Variants in KLF1 observed in about 807,000 individuals in gnomAD.
KLF1 encodes KLF transcription factor 1.
Under a neutral mutation model 28.0 loss-of-function variants are expected in KLF1, and 29 were observed. The observed-to-expected ratio is 1.04, with a 90% CI of 0.77 to 1.41. The LOEUF (loss-of-function observed/expected upper bound fraction) is 1.41. KLF1 is among the 40% of genes most tolerant of loss of function. KLF1 has a pLI of 0.00. For synonymous variants in KLF1, 262 were observed against 242.6 expected (o/e 1.08, Z -0.74); for missense variants, 508 against 515.1 (o/e 0.99, Z 0.13).
Position 12,885,666 on chromosome 19 carries a change from T to A in KLF1, c.564A>T (p.Ser188=). The stretch of plus-strand genomic sequence containing the variant: ...AGGGGGCGCCCGACGCCGCAGGCAC[T>A]GAAAGCCCGGTCCGCGGGAAGTAGC... ...SGGYFPRTGL[S]VPAASGAPYG... Residue 188 remains serine, a synonymous_variant, in exon 2 of 3, where the codon TCA becomes TCT. Coordinates refer to ENST00000264834, the MANE Select transcript of KLF1 (RefSeq NM_006563.5). The surrounding 1 kb of genome is among the most constrained non-coding windows in gnomAD (Gnocchi z 5.6). 1 of 1,539,002 alleles carries A rather than the reference T, an allele frequency of 6.5e-7. No homozygotes were observed. Among genetic ancestry groups the A allele is most frequent in the Non-Finnish European group, 8.8e-7 (1 of 1,141,080 alleles).
chr19:12,885,703 C>A lies in KLF1; in HGVS notation c.527G>T (p.Gly176Val). Residue 176 changes from glycine (G) to valine (V), a missense_variant, in exon 2 of 3, where the codon GGC becomes GTC. Gly to Val is a moderately radical substitution (Grantham distance 109). Coordinates refer to ENST00000264834, the MANE Select transcript of KLF1 (RefSeq NM_006563.5). This position sits in a 1 kb window ranked among gnomAD's most constrained non-coding sequence, Gnocchi z 5.6. Reference protein sequence around the residue: ...LQPVYPGPGAGSSGGYFPRTG... With the variant: ...LQPVYPGPGAVSSGGYFPRTG... ...CCGCGGGAAGTAGCCACCCGAGGAG[C>A]CGGCGCCGGGCCCCGGGTACACCGG... is the stretch of plus-strand genomic sequence containing the variant. 1 of 1,526,530 alleles carries A rather than the reference C, an allele frequency of 6.6e-7. No individual in the cohort carries two copies. Among genetic ancestry groups the A allele is most frequent in the Non-Finnish European group, 8.8e-7 (1 of 1,136,370 alleles). 94.6% of individuals were successfully genotyped at this position (1,526,530 alleles called of 1,614,324 possible). A position where few individuals can be genotyped will look rare whatever the true frequency, so the allele number is the denominator to read the frequency against.
Position 12,887,110 on chromosome 19 carries a change from T to C in KLF1, c.31A>G (p.Ile11Val), listed in dbSNP as rs1285887015. Residue 11 changes from isoleucine to valine, a missense_variant, in exon 1 of 3, where the codon ATC becomes GTC. Transcript: ENST00000264834. The surrounding 1 kb of genome is among the most constrained non-coding windows in gnomAD (Gnocchi z 4.7). MATAETALPSISTLTALGPFP... is the reference protein window; with the variant it reads MATAETALPSVSTLTALGPFP... ...GGGCCCAGGGCGGTCAGTGTGCTGA[T>C]GGAGGGCAAGGCGGTCTCGGCTGTG... 1.2e-6 allele frequency: 2 copies of C among 1,614,082 alleles called. No individual in the cohort carries two copies. Among genetic ancestry groups the C allele is most frequent in the African/African-American group, 1.3e-5 (1 of 75,036 alleles).
chr19:12,885,372 G>A lies in KLF1; in HGVS notation c.858C>T (p.Cys286=), dbSNP rs778506653. ...QAAHTCAHPG[C]GKSYTKSSHL... ...GGGAGCTCTTGGTGTAGCTCTTGCC[G>A]CAACCCGGGTGCGCGCACGTGTGCG... Residue 286 remains cysteine (C), a synonymous_variant, in exon 2 of 3, where the codon TGC becomes TGT. Coordinates refer to ENST00000264834, the MANE Select transcript of KLF1 (RefSeq NM_006563.5). This position sits in a 1 kb window ranked among gnomAD's most constrained non-coding sequence, Gnocchi z 5.6. The A allele has an allele frequency of 1.2e-6, 2 of 1,604,742 alleles. No homozygotes were observed. The highest frequency in any genetic ancestry group is 2.2e-5 in the East Asian group (1 of 44,470).
At chr19:12,886,974 T>C in intron 1 of KLF1, 80 bp downstream of exon 1, 1 of 1,366,024 alleles carries the variant, frequency 7.3e-7, no homozygotes, top group Admixed American at 1.7e-5. Flanking sequence ...CAGGTCAAGA[T>C]GCAGGTCTGG....
At chr19:12,886,315 C>T (rs184363779) in intron 1 of KLF1, among the ~76,000 whole-genome samples, 173 bp from the exon 2 acceptor site, 1 of 152,274 alleles carries the variant, frequency 6.6e-6, no homozygotes, top group Non-Finnish European at 1.5e-5. Flanking sequence ...CCCGCTCCCC[C>T]CCCAGCTCCA....
rs1242099408 is a variant in KLF1, at chr19:12,885,677, T to G, written c.553A>C (p.Thr185Pro). The change falls in exon 2 of 3, where the codon ACC (threonine) becomes CCC (proline). Residue 185 changes from threonine (T) to proline (P), a missense_variant. Transcript: ENST00000264834. This position sits in a 1 kb window ranked among gnomAD's most constrained non-coding sequence, Gnocchi z 5.6. ...GACGCCGCAGGCACTGAAAGCCCGGTCCGCGGGAAGTAGCCACCCGAGGAG... is the reference window on the plus strand; with the variant it reads ...GACGCCGCAGGCACTGAAAGCCCGGGCCGCGGGAAGTAGCCACCCGAGGAG... Reference protein sequence around the residue: ...AGSSGGYFPRTGLSVPAASGA... With the variant: ...AGSSGGYFPRPGLSVPAASGA... 2.0e-6 allele frequency: 3 copies of G among 1,536,598 alleles called. No individual in the cohort carries two copies. The African/African-American group carries it at 4.1e-5, about 21-fold the overall frequency.
chr19:12,885,911 G>A lies in KLF1; in HGVS notation c.319C>T (p.Pro107Ser), dbSNP rs754476130. The change falls in exon 2 of 3, where the codon CCG becomes TCG. Residue 107 changes from proline (P) to serine (S), a missense_variant. Transcript: ENST00000264834. This position sits in a 1 kb window ranked among gnomAD's most constrained non-coding sequence, Gnocchi z 5.6. ...APSEASGAQY[P>S]PPPETLGAYA... ...GCGCCCAGAGTCTCGGGCGGCGGCGGATATTGCGCCCCGGAGGCCTCGCTG... is the reference window on the plus strand; with the variant it reads ...GCGCCCAGAGTCTCGGGCGGCGGCGAATATTGCGCCCCGGAGGCCTCGCTG... The A allele has an allele frequency of 3.3e-5, 51 of 1,551,898 alleles. No homozygotes were observed. In the South Asian group the frequency reaches 5.0e-4, roughly 15 times the overall value.
In KLF1 at chr19:12,885,638, CG is replaced by C; in HGVS notation, c.591del (p.Tyr197Ter). 1 of 1,545,280 alleles carries C rather than the reference CG, an allele frequency of 6.5e-7. No individual in the cohort carries two copies. The highest frequency in any genetic ancestry group is 8.7e-7 in the Non-Finnish European group (1 of 1,144,210). ...ATCGCGGGGTACCCGGACAGTAGCC[CG>C]TAGGGGGCGCCCGACGCCGCAGGCA... ...LSVPAASGAP[Y>X]GLLSGYPAMY... On this transcript the variant is annotated frameshift_variant, in exon 2 of 3. Transcript: ENST00000264834. LOFTEE classifies it high-confidence loss of function. The surrounding 1 kb of genome is among the most constrained non-coding windows in gnomAD (Gnocchi z 5.6).
rs150314469 is a variant in KLF1 at position 12,884,664 on chromosome 19, G to T, written c.*221C>A. On this transcript the variant is annotated 3_prime_UTR_variant, in exon 3 of 3. Transcript: ENST00000264834. ...GGACATCTCTGTGTGGCTCCCTGTG[G>T]CTGAAGGCTTGTCGGATTTTCCGTA... The T allele has an allele frequency of 1.5e-5, 9 of 594,686 alleles. No individual in the cohort carries two copies. The highest frequency in any genetic ancestry group is 1.1e-4 in the African/African-American group (6 of 53,884). The allele number at this position is 594,686 out of a possible 1,614,324, so 36.8% of individuals were successfully genotyped here.
intron 1 of KLF1, 70 bp downstream of exon 1, chr19:12,886,984 G>C (rs955736706): frequency 2.7e-6 from 4 of 1,473,644 alleles, no homozygotes; most frequent in Admixed American, 3.3e-5. Context: ...TGCAGGTCTG[G>C]ACCCCAAGAT....
rs1970422275 is a variant in KLF1, at chr19:12,885,128, C to T, written c.914-68G>A. The T allele has an allele frequency of 6.4e-7, 1 of 1,555,782 alleles. No individual in the cohort carries two copies. The highest frequency in any genetic ancestry group is 1.4e-5 in the African/African-American group (1 of 74,004). The stretch of plus-strand genomic sequence containing the variant: ...ATGTCCCCGGGTCCCCTGCATCTGG[C>T]CACACCCCTTTACTCAGCCTGGGCT... On this transcript the variant is annotated intron_variant, in intron 2 of 2. Transcript: ENST00000264834. This position sits in a 1 kb window ranked among gnomAD's most constrained non-coding sequence, Gnocchi z 5.6.
chr19:12,886,983 G>A, intron 1 of KLF1, 71 bp downstream of exon 1: 3 of 1,460,084 alleles, frequency 2.1e-6, no homozygotes, highest in Non-Finnish European at 2.9e-6. Context: ...ATGCAGGTCT[G>A]GACCCCAAGA....
Position 12,885,518 on chromosome 19 carries a change from A to T in KLF1, c.712T>A (p.Cys238Ser). The change falls in exon 2 of 3, where the codon TGT (cysteine) becomes AGT (serine). Residue 238 changes from cysteine to serine, a missense_variant. By Grantham distance (112) the Cys-to-Ser change is moderately radical. Coordinates refer to ENST00000264834, the MANE Select transcript of KLF1 (RefSeq NM_006563.5). The surrounding 1 kb of genome is among the most constrained non-coding windows in gnomAD (Gnocchi z 5.6). ...GTGCCCACCGTCCCGGGTCCCAAAC[A>T]ACTCAGGAAGGAGGGGGACGTGGCG... ...GPATSPSFLSCLGPGTVGTGL... is the reference protein window; with the variant it reads ...GPATSPSFLSSLGPGTVGTGL... 4.4e-6 allele frequency: 7 copies of T among 1,592,448 alleles called. No homozygotes were observed. In the Middle Eastern group the frequency reaches 5.0e-4, roughly 113 times the overall value.
rs1427628301 is a variant in KLF1, at chr19:12,886,140, C to T, written c.90G>A (p.Trp30Ter). The change falls in exon 2 of 3, where the codon TGG (tryptophan) becomes TGA (stop). Residue 30 changes from tryptophan (W) to a stop codon, truncating the protein, a stop_gained and splice_region_variant. Coordinates refer to ENST00000264834, the MANE Select transcript of KLF1 (RefSeq NM_006563.5). LOFTEE classifies it high-confidence loss of function. The part of the protein sequence containing the change: ...FPDTQDDFLK[W>*]WRSEEAQDMG... ...TGTCCTGCGCCTCTTCGGAGCGCCACCACTGCGGGAGGGAGCAGGCAGCTC... is the reference window on the plus strand; with the variant it reads ...TGTCCTGCGCCTCTTCGGAGCGCCATCACTGCGGGAGGGAGCAGGCAGCTC... 14 of 1,599,332 alleles carry T rather than the reference C, an allele frequency of 8.8e-6. No individual in the cohort carries two copies. Among genetic ancestry groups the T allele is most frequent in the Non-Finnish European group, 1.2e-5 (14 of 1,177,384 alleles).
Position 12,885,582 on chromosome 19 carries a change from G to T in KLF1, c.648C>A (p.Phe216Leu). 6.4e-7 allele frequency: 1 copy of T among 1,560,130 alleles called. No homozygotes were observed. Among genetic ancestry groups the T allele is most frequent in the African/African-American group, 1.4e-5 (1 of 73,888 alleles). The change falls in exon 2 of 3, where the codon TTC (phenylalanine) becomes TTA (leucine). Residue 216 changes from phenylalanine (F) to leucine (L), a missense_variant. Phe to Leu is a conservative substitution (Grantham distance 22). Coordinates refer to ENST00000264834, the MANE Select transcript of KLF1 (RefSeq NM_006563.5). This position sits in a 1 kb window ranked among gnomAD's most constrained non-coding sequence, Gnocchi z 5.6. ...GTCCCTGGAGCCCGCGGAAGAGCTG[G>T]AAGTGCCCTTGGTACTGAGGCGCCG... ...MYPAPQYQGH[F>L]QLFRGLQGPA...
chr19:12,886,528 C>G (rs549782531), intron 1 of KLF1, among the ~76,000 whole-genome samples: 4 of 151,994 alleles, frequency 2.6e-5, no homozygotes, highest in Non-Finnish European at 4.4e-5. Flanking sequence ...AGATTAATTC[C>G]GAAATTTTGG....
chr19:12,884,956 G>A lies in KLF1; in HGVS notation c.1018C>T (p.Arg340Cys), dbSNP rs768112633. 2 of 1,613,788 alleles carry A rather than the reference G, an allele frequency of 1.2e-6. No individual in the cohort carries two copies. The highest frequency in any genetic ancestry group is 1.7e-6 in the Non-Finnish European group (2 of 1,180,034). Residue 340 changes from arginine to cysteine, a missense_variant, in exon 3 of 3, where the codon CGC (arginine) becomes TGC (cysteine). Coordinates refer to ENST00000264834, the MANE Select transcript of KLF1 (RefSeq NM_006563.5). ...YRKHTGQRPF[R>C]CQLCPRAFSR... The stretch of plus-strand genomic sequence containing the variant: ...AAAGCACGTGGGCAGAGCTGGCAGC[G>A]GAAGGGGCGCTGCCCCGTGTGTTTC...
chr19:12,886,610 T>C (rs79560779), intron 1 of KLF1, among the ~76,000 whole-genome samples: 4 of 109,798 alleles, frequency 3.6e-5, no homozygotes, highest in South Asian at 4.9e-4. Flanking sequence ...ATCTCGTTCC[T>C]TTTTTTTTTT....
rs748225299 is a variant in KLF1, at chr19:12,886,049, C to T, written c.181G>A (p.Glu61Lys). 1.2e-5 allele frequency: 20 copies of T among 1,610,360 alleles called. No individual in the cohort carries two copies. The highest frequency in any genetic ancestry group is 1.7e-5 in the Non-Finnish European group (20 of 1,179,166). Residue 61 changes from glutamate to lysine, a missense_variant, in exon 2 of 3, where the codon GAG (glutamate) becomes AAG (lysine). Physicochemically the swap from Glu to Lys is moderately conservative, Grantham distance 56 (BLOSUM62 1). Transcript: ENST00000264834. Reference protein sequence around the residue: ...LHVKSEDQPGEEEDDERGADA... With the variant: ...LHVKSEDQPGKEEDDERGADA... ...GCGCCCCTCTCATCGTCCTCTTCCTCCCCGGGCTGGTCCTCAGACTTCACG... is the reference window on the plus strand; with the variant it reads ...GCGCCCCTCTCATCGTCCTCTTCCTTCCCGGGCTGGTCCTCAGACTTCACG...
Sources: allele counts gnomAD v4.1 joint callset (sites outside exome capture counted in the v4.1 genomes callset), GRCh38; gene constraint gnomAD v4.1.1; non-coding constraint Gnocchi (gnomAD v3.1); transcripts MANE v1.5; gene names NCBI Gene and HGNC (gene_info 2026-07-23, HGNC 2026-07-21).